The following DPM1 variants were observed in gnomAD, a reference collection of about 807,000 sequenced individuals.
DPM1 encodes dolichyl-phosphate mannosyltransferase subunit 1, catalytic.
In DPM1, 27 loss-of-function variants were observed where a neutral mutation model predicts 39.0. That is an observed-to-expected ratio of 0.69 (90% CI 0.51 to 0.95). DPM1 has a LOEUF of 0.95. DPM1 is among the 40% of genes least tolerant of loss of function. The pLI is 0.00. For missense variants in DPM1, 307 were observed against 315.6 expected (o/e 0.97, Z 0.21); for synonymous variants, 124 against 109.0 (o/e 1.14, Z -0.86).
chr20:50,946,151 A>C (rs1986270182), intron 3 of DPM1, among the ~76,000 whole-genome samples: 1 of 152,262 alleles, frequency 6.6e-6, no homozygotes, highest in Non-Finnish European at 1.5e-5. Context: ...TTAATACAAT[A>C]GATCATACCT....
chr20:50,945,982 G>T, intron 3 of DPM1, 59 bp from the exon 4 acceptor site: 1 of 1,408,774 alleles, frequency 7.1e-7, no homozygotes, highest in South Asian at 1.2e-5. Context: ...ATATACATTT[G>T]AACATCAAGG....
intron 1 of DPM1, among the ~76,000 whole-genome samples, chr20:50,957,599 A>C (rs1304715592): frequency 6.6e-6 from 1 of 152,244 alleles, no homozygotes; most frequent in East Asian, 1.9e-4. Context: ...GTTCATTGCC[A>C]TGACCTGATT....
intron 1 of DPM1, among the ~76,000 whole-genome samples, chr20:50,956,641 C>G (rs1441457299): frequency 6.6e-6 from 1 of 152,126 alleles, no homozygotes; most frequent in African/African-American, 2.4e-5. Flanking sequence ...ACTTTGAAGA[C>G]AAGAAAGCAA....
chr20:50,945,750 G>A lies in DPM1; in HGVS notation c.385C>T (p.Pro129Ser), dbSNP rs752831768. The change falls in exon 5 of 9, where the codon CCT becomes TCT. Residue 129 changes from proline (P) to serine (S), a missense_variant. By Grantham distance (74) the Pro-to-Ser change is moderately conservative (BLOSUM62 -1). This residue lies in a region of DPM1 where 206 missense variants were observed against 188.2 expected (regional missense o/e 1.09). Coordinates refer to ENST00000371588, the MANE Select transcript of DPM1 (RefSeq NM_003859.3). ...AATAGTACCTACCTAATAAATTCAG[G>A]AATAAATTTTGGCTGAAATTTGAAA... ...ADLSHHPKFI[P>S]EFIRKQKEGN... 35 of 1,581,966 alleles carry A rather than the reference G, an allele frequency of 2.2e-5. No individual in the cohort carries two copies. The highest frequency in any genetic ancestry group is 3.0e-5 in the Non-Finnish European group (35 of 1,152,152).
chr20:50,957,209 G>C (rs752213691), intron 1 of DPM1, among the ~76,000 whole-genome samples: 12 of 152,202 alleles, frequency 7.9e-5, no homozygotes, highest in South Asian at 2.1e-4. Flanking sequence ...AAACAGCAAT[G>C]GTTTTCACAA....
At chr20:50,957,315 C>CCTTGGT (rs1986879700) in intron 1 of DPM1, among the ~76,000 whole-genome samples, 2 of 152,148 alleles carry the variant, frequency 1.3e-5, no homozygotes, top group Non-Finnish European at 2.9e-5. Flanking sequence ...ACTTGTACAA[C>CCTTGGT]CTTTTTTTTC....
intron 3 of DPM1, among the ~76,000 whole-genome samples, chr20:50,947,695 C>A (rs1428552144): frequency 1.3e-5 from 2 of 150,422 alleles, no homozygotes; most frequent in African/African-American, 4.9e-5. Flanking sequence ...GTGGTGTGAT[C>A]TCGGCTCATT....
intron 2 of DPM1, 90 bp from the exon 3 acceptor site, chr20:50,948,752 AATAGAAATAT>A (rs1324632985): frequency 2.6e-6 from 3 of 1,157,388 alleles, no homozygotes; most frequent in African/African-American, 3.0e-5. Flanking sequence ...TACTCACTTT[AATAGAAATAT>A]AGTTGCACTT....
At chr20:50,958,002 A>C (rs1188743035) in intron 1 of DPM1, among the ~76,000 whole-genome samples, 1 of 152,066 alleles carries the variant, frequency 6.6e-6, no homozygotes, top group Non-Finnish European at 1.5e-5. Flanking sequence ...TCTCGCTTGG[A>C]CTCCCGGCTC....
Position 50,955,222 on chromosome 20 carries a change from A to T in DPM1, c.225T>A (p.Ala75=), listed in dbSNP as rs1359402998. ...DGSPDGTRDV[A]EQLEKIYGSD... is the part of the protein sequence containing the mutation. ...ACCCATAGATCTTCTCCAACTGTTC[A>T]GCAACATCCCTTGTTCCATCTGGGC... Residue 75 remains alanine (A), a synonymous_variant, in exon 2 of 9, where the codon GCT becomes GCA. Coordinates refer to ENST00000371588, the MANE Select transcript of DPM1 (RefSeq NM_003859.3). 1.2e-6 allele frequency: 2 copies of T among 1,613,214 alleles called. No individual in the cohort carries two copies. Among genetic ancestry groups the T allele is most frequent in the Non-Finnish European group, 1.7e-6 (2 of 1,179,774 alleles).
intron 1 of DPM1, among the ~76,000 whole-genome samples, chr20:50,956,635 T>G (rs1029553651): frequency 2.0e-5 from 3 of 152,254 alleles, no homozygotes; most frequent in South Asian, 2.1e-4. Flanking sequence ...CAGCAAACTT[T>G]GAAGACAAGA....
intron 6 of DPM1, among the ~76,000 whole-genome samples, 169 bp downstream of exon 6, chr20:50,941,862 T>C (rs1985857373): frequency 6.6e-6 from 1 of 152,152 alleles, no homozygotes; most frequent in South Asian, 2.1e-4. Context: ...ATAAAAAACA[T>C]CCAGGCTCTA....
At chr20:50,937,403 CAATATTTATTCAATAATA>C in intron 7 of DPM1, among the ~76,000 whole-genome samples, 1 of 151,382 alleles carries the variant, frequency 6.6e-6, no homozygotes, top group Admixed American at 6.6e-5. Context: ...CTGATGGTAG[CAATATTTATTCAATAATA>C]AATATTTATT....
intron 6 of DPM1, 134 bp downstream of exon 6, chr20:50,941,897 T>TG: frequency 1.3e-6 from 1 of 765,476 alleles, no homozygotes; most frequent in Non-Finnish European, 2.3e-6. Flanking sequence ...TGTAAGAAAC[T>TG]ATCTGGGAGT....
intron 2 of DPM1, among the ~76,000 whole-genome samples, chr20:50,952,905 A>C (rs1292685967): frequency 6.6e-6 from 1 of 152,232 alleles, no homozygotes; most frequent in Non-Finnish European, 1.5e-5. Flanking sequence ...ATAGTATCAT[A>C]TTATATAGTT....
At chr20:50,958,189 G>C (rs760107487) in intron 1 of DPM1, among the ~76,000 whole-genome samples, 174 bp downstream of exon 1, 7 of 152,354 alleles carry the variant, frequency 4.6e-5, no homozygotes, top group Non-Finnish European at 7.3e-5. Flanking sequence ...AGGACACGAA[G>C]AAAACCCAAC....
intron 3 of DPM1, 43 bp from the exon 4 acceptor site, chr20:50,945,966 CT>C: frequency 6.6e-7 from 1 of 1,522,354 alleles, no homozygotes; most frequent in Non-Finnish European, 9.1e-7. Flanking sequence ...CAACAGAAAT[CT>C]TTACATATAC....
chr20:50,947,241 C>G (rs1328422448), intron 3 of DPM1, among the ~76,000 whole-genome samples: 1 of 152,168 alleles, frequency 6.6e-6, no homozygotes. Flanking sequence ...CATGGTGGTA[C>G]ACGCCTGTAA....
At chr20:50,947,710 C>A (rs1568769220) in intron 3 of DPM1, among the ~76,000 whole-genome samples, 1 of 149,854 alleles carries the variant, frequency 6.7e-6, no homozygotes, top group Non-Finnish European at 1.5e-5. Context: ...CTCATTGCAA[C>A]CTCTGCCTCC....
Sources: allele counts gnomAD v4.1 joint callset (sites outside exome capture counted in the v4.1 genomes callset), GRCh38; gene constraint gnomAD v4.1.1; regional missense constraint gnomAD v4.1.1; transcripts MANE v1.5; gene names NCBI Gene and HGNC (gene_info 2026-07-23, HGNC 2026-07-21).